Variants in VAPB observed in about 807,000 individuals in gnomAD.
The protein encoded by VAPB is vesicle-associated membrane protein-associated protein B/C.
VAPB carries 7 observed loss-of-function variants against 25.6 expected under a neutral mutation model. The observed-to-expected ratio is 0.27, with a 90% CI of 0.16 to 0.51. The LOEUF (loss-of-function observed/expected upper bound fraction) is 0.51. VAPB is among the 20% of genes least tolerant of loss of function. The pLI, the probability that VAPB is intolerant of heterozygous loss-of-function variation, is 0.97. For synonymous variants in VAPB, 112 were observed against 109.2 expected (o/e 1.03, Z -0.16); for missense variants, 266 against 301.3 (o/e 0.88, Z 0.87).
At chr20:58,427,914 TGCAGGGGAAAG>T (rs1988840527) in intron 2 of VAPB, among the ~76,000 whole-genome samples, 2 of 145,240 alleles carry the variant, frequency 1.4e-5, no homozygotes, top group Middle Eastern at 3.3e-3. Flanking sequence ...ACCATTATGA[TGCAGGGGAAAG>T]TGATCTGTGA....
At chr20:58,396,864 A>G (rs543262909) in intron 1 of VAPB, among the ~76,000 whole-genome samples, 111 of 152,326 alleles carry the variant, frequency 7.3e-4, no homozygotes, top group Middle Eastern at 3.4e-3. Context: ...ATCGTATGAG[A>G]TGACTTAGTC....
chr20:58,396,942 C>T (rs1987972065), intron 1 of VAPB, among the ~76,000 whole-genome samples: 2 of 152,216 alleles, frequency 1.3e-5, no homozygotes, highest in South Asian at 4.1e-4. Context: ...AAGCCTTGTA[C>T]TTTCCCTCAT....
At chr20:58,439,946 C>T (rs1278452047) in intron 4 of VAPB, 1 of 152,220 alleles carries the variant, frequency 6.6e-6, no homozygotes, top group Non-Finnish European at 1.5e-5. Context: ...AGTTGGGAAA[C>T]AGAAGTACCC....
intron 1 of VAPB, among the ~76,000 whole-genome samples, chr20:58,395,261 C>T (rs1038458378): frequency 1.3e-5 from 2 of 151,278 alleles, no homozygotes; most frequent in African/African-American, 4.9e-5. Context: ...AAACGATTCT[C>T]CTGCCTCAGC....
At chr20:58,419,110 G>T (rs1402143187) in intron 2 of VAPB, among the ~76,000 whole-genome samples, 3 of 152,202 alleles carry the variant, frequency 2.0e-5, no homozygotes, top group Admixed American at 6.5e-5. Context: ...AGCTGTGGGG[G>T]AGTGTGTATT....
chr20:58,426,639 C>T (rs1412367850), intron 2 of VAPB, among the ~76,000 whole-genome samples: 8 of 152,228 alleles, frequency 5.3e-5, no homozygotes, highest in Admixed American at 3.9e-4. Flanking sequence ...GAACTGATTG[C>T]CTTTTACTTA....
At chr20:58,399,138 T>C (rs1173689946) in intron 1 of VAPB, among the ~76,000 whole-genome samples, 1 of 151,766 alleles carries the variant, frequency 6.6e-6, no homozygotes, top group Non-Finnish European at 1.5e-5. Context: ...CCATCTCTAC[T>C]AAAAATACAA....
chr20:58,424,356 C>G (rs1988739351), intron 2 of VAPB, among the ~76,000 whole-genome samples: 1 of 151,848 alleles, frequency 6.6e-6, no homozygotes, highest in African/African-American at 2.4e-5. Context: ...GCCCATGTGA[C>G]AGTGCATAGC....
chr20:58,447,726 T>G lies in VAPB; in HGVS notation c.*3491T>G, dbSNP rs1989330372. On this transcript the variant is annotated 3_prime_UTR_variant, in exon 6 of 6. Coordinates refer to ENST00000475243, the MANE Select transcript of VAPB (RefSeq NM_004738.5). ...TGTCAGTAGCTTGACAGTTTTCAAA[T>G]CGTGCCTATATTTTTTTGCATACAC... 2.2e-6 allele frequency: 1 copy of G among 453,698 alleles called. No homozygotes were observed. 28.1% of individuals were successfully genotyped at this position (453,698 alleles called of 1,614,324 possible).
At chr20:58,405,337 G>A (rs992370595) in intron 1 of VAPB, among the ~76,000 whole-genome samples, 1 of 152,198 alleles carries the variant, frequency 6.6e-6, no homozygotes, top group East Asian at 1.9e-4. Flanking sequence ...TGGTGGAGGG[G>A]CCTGCGGGGA....
At chr20:58,428,395 C>G (rs532401917) in intron 2 of VAPB, among the ~76,000 whole-genome samples, 2 of 152,298 alleles carry the variant, frequency 1.3e-5, no homozygotes, top group East Asian at 3.9e-4. Flanking sequence ...GCTTTATCAT[C>G]AGTATTCACT....
In VAPB at chr20:58,448,471, C is replaced by CT. The variant is rs1208084317; in HGVS notation, c.*4237dup. Reference sequence around the variant, plus strand: ...TTGAACTTAATCCTTGCAACTGTGACTGGGGGGTAGATGGCTCTGTTTGCA... The same window carrying CT: ...TTGAACTTAATCCTTGCAACTGTGACTTGGGGGGTAGATGGCTCTGTTTGCA... On this transcript the variant is annotated 3_prime_UTR_variant, in exon 6 of 6. Transcript: ENST00000475243. The CT allele has an allele frequency of 1.1e-5, 5 of 454,080 alleles. No homozygotes were observed. The highest frequency in any genetic ancestry group is 6.9e-5 in the East Asian group (1 of 14,394). The allele number at this position is 454,080 out of a possible 1,614,324, so 28.1% of individuals were successfully genotyped here. A position where few individuals can be genotyped will look rare whatever the true frequency, so the allele number is the denominator to read the frequency against.
chr20:58,412,312 G>A (rs912189815), intron 1 of VAPB, among the ~76,000 whole-genome samples: 4 of 152,106 alleles, frequency 2.6e-5, no homozygotes, highest in Non-Finnish European at 5.9e-5. Flanking sequence ...GGGCGTGGAG[G>A]CTCACACCTC....
At chr20:58,422,188 A>T (rs1988682944) in intron 2 of VAPB, among the ~76,000 whole-genome samples, 1 of 151,856 alleles carries the variant, frequency 6.6e-6, no homozygotes, top group Non-Finnish European at 1.5e-5. Context: ...TCTCATTTTT[A>T]TTGTAGCCCC....
chr20:58,416,935 A>G (rs1988553612), intron 1 of VAPB, among the ~76,000 whole-genome samples: 1 of 152,206 alleles, frequency 6.6e-6, no homozygotes, highest in African/African-American at 2.4e-5. Flanking sequence ...GATAAGGTAT[A>G]ATCCTTGTCT....
intron 1 of VAPB, among the ~76,000 whole-genome samples, chr20:58,396,536 C>G (rs2123020270): frequency 6.6e-6 from 1 of 152,264 alleles, no homozygotes; most frequent in African/African-American, 2.4e-5. Flanking sequence ...TGGTTTAGAG[C>G]TCTAAGTTCC....
intron 2 of VAPB, among the ~76,000 whole-genome samples, chr20:58,433,990 C>T (rs1479124092): frequency 1.3e-5 from 2 of 152,088 alleles, no homozygotes; most frequent in African/African-American, 2.4e-5. Context: ...TGTGACTCAT[C>T]CACAGGATCC....
intron 1 of VAPB, among the ~76,000 whole-genome samples, chr20:58,404,918 C>A (rs1198490674): frequency 2.6e-5 from 4 of 151,874 alleles, no homozygotes; most frequent in Non-Finnish European, 5.9e-5. Flanking sequence ...TATTGAGTAC[C>A]TGTAGTGTGC....
Position 58,448,892 on chromosome 20 carries a change from A to C in VAPB, c.*4657A>C, listed in dbSNP as rs1989364692. ...ATATTGCCAGTCCGTCTCGGCAAGG[A>C]GATGATGGGAGCGCTTTATATGGAG... On this transcript the variant is annotated 3_prime_UTR_variant, in exon 6 of 6. Transcript: ENST00000475243. 4.4e-6 allele frequency: 2 copies of C among 452,916 alleles called. No individual in the cohort carries two copies. The highest frequency in any genetic ancestry group is 2.4e-5 in the Admixed American group (1 of 42,548). 28.1% of individuals were successfully genotyped at this position (452,916 alleles called of 1,614,324 possible).
Sources: allele counts gnomAD v4.1 joint callset (sites outside exome capture counted in the v4.1 genomes callset), GRCh38; gene constraint gnomAD v4.1.1; transcripts MANE v1.5; gene names NCBI Gene and HGNC (gene_info 2026-07-23, HGNC 2026-07-21).